ME1: variants seen among roughly 807,000 people sequenced by gnomAD.
ME1 encodes malic enzyme 1, also known as NADP-dependent malic enzyme.
A neutral mutation model predicts 66.4 loss-of-function variants in ME1; 74 were observed. That is an observed-to-expected ratio of 1.11 (90% CI 0.92 to 1.35). The LOEUF is 1.35. Ranked by LOEUF, ME1 falls within the 40% of genes most tolerant of loss-of-function variation. ME1 has a pLI of 0.00. For missense variants in ME1, 750 were observed against 694.1 expected (o/e 1.08, Z -0.90); for synonymous variants, 251 against 235.6 (o/e 1.07, Z -0.60).
At chr6:83,382,301 C>T (rs1327406160) in intron 3 of ME1, among the ~76,000 whole-genome samples, 2 of 151,982 alleles carry the variant, frequency 1.3e-5, no homozygotes, top group Non-Finnish European at 2.9e-5. Flanking sequence ...GCCTGGCATG[C>T]AGTGGACGCT....
intron 6 of ME1, among the ~76,000 whole-genome samples, chr6:83,265,553 A>G (rs1180182): frequency 0.28 from 42,267 of 151,950 alleles, 6,554 homozygotes; most frequent in Middle Eastern, 0.45. Context: ...CACCCGCCTT[A>G]GCCTCCCAAA....
chr6:83,219,192 T>G (rs1244400487), intron 12 of ME1, among the ~76,000 whole-genome samples: 1 of 152,228 alleles, frequency 6.6e-6, no homozygotes, highest in Non-Finnish European at 1.5e-5. Flanking sequence ...TTAAAAAACT[T>G]TATTAATTCT....
intron 6 of ME1, among the ~76,000 whole-genome samples, chr6:83,262,027 A>AG (rs1466617576): frequency 6.6e-6 from 1 of 151,824 alleles, no homozygotes; most frequent in African/African-American, 2.4e-5. Context: ...AAAAAAAAAA[A>AG]AAAGAAAAAA....
chr6:83,223,835 G>T lies in ME1; in HGVS notation c.1374C>A (p.Phe458Leu), dbSNP rs891135313. The change falls in exon 12 of 14, where the codon TTC becomes TTA. Residue 458 changes from phenylalanine to leucine, a missense_variant. Coordinates refer to ENST00000369705, the MANE Select transcript of ME1 (RefSeq NM_002395.6). Reference sequence around the variant, plus strand: ...CCACAACACCAAGAGCAACTCCAGGGAACACATAGGAATTGTTGCCTTGGC... The same window carrying T: ...CCACAACACCAAGAGCAACTCCAGGTAACACATAGGAATTGTTGCCTTGGC... ...YPGQGNNSYV[F>L]PGVALGVVAC... 1.9e-6 allele frequency: 3 copies of T among 1,613,944 alleles called. No individual in the cohort carries two copies. In the South Asian group the frequency reaches 3.3e-5, roughly 18 times the overall value.
At chr6:83,328,063 A>G (rs1044793175) in intron 5 of ME1, among the ~76,000 whole-genome samples, 2 of 152,234 alleles carry the variant, frequency 1.3e-5, no homozygotes, top group African/African-American at 4.8e-5. Context: ...CTTGGAACCA[A>G]TCCAAATGCC....
chr6:83,290,672 G>T (rs1767484547), intron 6 of ME1, among the ~76,000 whole-genome samples: 1 of 152,102 alleles, frequency 6.6e-6, no homozygotes, highest in Non-Finnish European at 1.5e-5. Flanking sequence ...TCAAGTCCTG[G>T]ATATCCTTGC....
intron 3 of ME1, among the ~76,000 whole-genome samples, chr6:83,380,455 T>C (rs552250253): frequency 4.6e-5 from 7 of 151,968 alleles, no homozygotes; most frequent in African/African-American, 1.7e-4. Flanking sequence ...CAAGGGTAAA[T>C]ATGCAGTAGT....
chr6:83,254,775 A>G (rs796803749), intron 6 of ME1, among the ~76,000 whole-genome samples: 5 of 152,200 alleles, frequency 3.3e-5, no homozygotes, highest in African/African-American at 1.2e-4. Context: ...TTTCTCCTTT[A>G]CTACTGGTCC....
intron 3 of ME1, among the ~76,000 whole-genome samples, chr6:83,378,152 A>C (rs1322493064): frequency 4.0e-5 from 6 of 151,256 alleles, no homozygotes. Flanking sequence ...ACTATCTAAA[A>C]TGTGTGTTTG....
intron 9 of ME1, among the ~76,000 whole-genome samples, chr6:83,234,381 C>CAACTGATCT (rs763501295): frequency 7.9e-5 from 12 of 152,106 alleles, no homozygotes; most frequent in Non-Finnish European, 1.5e-4. Context: ...GTATCAGTCC[C>CAACTGATCT]GTATCTCCAA....
intron 1 of ME1, among the ~76,000 whole-genome samples, chr6:83,408,920 C>G (rs1317983648): frequency 2.0e-5 from 3 of 151,992 alleles, no homozygotes; most frequent in Admixed American, 6.6e-5. Context: ...CATTTGAGTC[C>G]CCCAAAATTC....
chr6:83,412,065 T>C (rs1770058261), intron 1 of ME1, among the ~76,000 whole-genome samples: 1 of 152,202 alleles, frequency 6.6e-6, no homozygotes, highest in African/African-American at 2.4e-5. Flanking sequence ...TTAGAAATGA[T>C]ATTTGCAGGG....
chr6:83,399,595 T>A (rs1769805031), intron 2 of ME1, among the ~76,000 whole-genome samples: 1 of 152,236 alleles, frequency 6.6e-6, no homozygotes, highest in Admixed American at 6.5e-5. Context: ...GAAACTTTTC[T>A]TTGTATCTGT....
intron 6 of ME1, among the ~76,000 whole-genome samples, chr6:83,262,488 T>G (rs532909325): frequency 6.6e-6 from 1 of 152,332 alleles, no homozygotes; most frequent in Admixed American, 6.5e-5. Context: ...CTCAATCATG[T>G]CATTTACTTC....
intron 3 of ME1, among the ~76,000 whole-genome samples, chr6:83,368,330 T>C (rs1418223225): frequency 2.0e-5 from 3 of 150,604 alleles, no homozygotes; most frequent in African/African-American, 7.3e-5. Context: ...ATGGCACTGA[T>C]AGACTTGCCC....
chr6:83,422,218 T>A (rs1583428658), intron 1 of ME1, among the ~76,000 whole-genome samples: 1 of 152,144 alleles, frequency 6.6e-6, no homozygotes, highest in South Asian at 2.1e-4. Context: ...ACTGCACAGA[T>A]CCCACACTAT....
At chr6:83,327,670 G>A (rs1213247644) in intron 5 of ME1, among the ~76,000 whole-genome samples, 2 of 152,038 alleles carry the variant, frequency 1.3e-5, no homozygotes, top group Admixed American at 6.6e-5. Context: ...ATTTCGCCTC[G>A]GTCCTGTGGT....
chr6:83,387,586 A>G (rs748459197), intron 3 of ME1, among the ~76,000 whole-genome samples: 11 of 152,148 alleles, frequency 7.2e-5, no homozygotes, highest in African/African-American at 2.7e-4. Context: ...ACTTCCTCAC[A>G]TGAAATTACA....
chr6:83,371,311 T>A (rs139999028), intron 3 of ME1, among the ~76,000 whole-genome samples: 1 of 152,304 alleles, frequency 6.6e-6, no homozygotes, highest in East Asian at 1.9e-4. Context: ...TTCCCTTTGC[T>A]GATCTTTACA....
Sources: gnomAD v4.1 joint callset for allele counts (sites outside exome capture counted in the v4.1 genomes callset) on GRCh38, gnomAD v4.1.1 for gene constraint, MANE v1.5 for transcripts, NCBI Gene and HGNC (gene_info 2026-07-23, HGNC 2026-07-21) for gene names.